CELF4: variants seen among roughly 807,000 people sequenced by gnomAD.
The protein encoded by CELF4 is CUG-BP- and ETR-3-like factor 4.
A neutral mutation model predicts 59.9 loss-of-function variants in CELF4; 18 were observed. The observed-to-expected ratio is 0.30, with a 90% CI of 0.21 to 0.45. The LOEUF is 0.45. Ranked by LOEUF, CELF4 falls within the 20% of genes least tolerant of loss-of-function variation. The probability of loss-of-function intolerance (pLI) is 1.00; values close to 1 mark genes in which losing one functional copy is unlikely to be tolerated. For missense variants in CELF4, 456 were observed against 689.0 expected (o/e 0.66, Z 3.79); for synonymous variants, 261 against 267.1 (o/e 0.98, Z 0.22).
intron 3 of CELF4, among the ~76,000 whole-genome samples, chr18:37,318,008 GC>G (rs2096927453): frequency 6.6e-6 from 1 of 152,276 alleles, no homozygotes; most frequent in Admixed American, 6.5e-5. Flanking sequence ...CCTTCCTCCT[GC>G]CCCCTGGCCA....
At chr18:37,521,555 A>G (rs1272459946) in intron 1 of CELF4, among the ~76,000 whole-genome samples, 1 of 152,194 alleles carries the variant, frequency 6.6e-6, no homozygotes, top group African/African-American at 2.4e-5. Flanking sequence ...TTAAATCTGG[A>G]GTATAAGGTG....
In CELF4 at chr18:37,523,666, G is replaced by A. The variant is rs2099960205; in HGVS notation, c.287-38059C>T. 3.3e-5 allele frequency among the ~76,000 whole-genome samples: 5 copies of A among 152,212 alleles called. No individual in the cohort carries two copies. The South Asian group carries it at 1.0e-3, about 32-fold the overall frequency. ...GGAATGGGTCTTGGGGAGGGCTTGA[G>A]ACCTCATGGCCTGCTAAGAGGAGCC... On this transcript the variant is annotated intron_variant, in intron 1 of 12. Transcript: ENST00000420428.
chr18:37,358,415 G>A (rs2098640845), intron 2 of CELF4, among the ~76,000 whole-genome samples: 1 of 152,184 alleles, frequency 6.6e-6, no homozygotes, highest in Non-Finnish European at 1.5e-5. Context: ...AACTGTGAGT[G>A]CTCCATTATA....
At chr18:37,338,391 A>C (rs1195218182) in intron 2 of CELF4, among the ~76,000 whole-genome samples, 1 of 149,180 alleles carries the variant, frequency 6.7e-6, no homozygotes, top group East Asian at 1.9e-4. Flanking sequence ...TGTCACTGAC[A>C]CCATTGTCAC....
At chr18:37,475,283 T>C (rs1300359610) in intron 2 of CELF4, among the ~76,000 whole-genome samples, 1 of 152,178 alleles carries the variant, frequency 6.6e-6, no homozygotes, top group Admixed American at 6.5e-5. Flanking sequence ...ATTAGGCCAG[T>C]GGTGGTTGAA....
chr18:37,403,945 C>T (rs1167340777), intron 2 of CELF4, among the ~76,000 whole-genome samples: 1 of 152,178 alleles, frequency 6.6e-6, no homozygotes, highest in African/African-American at 2.4e-5. Flanking sequence ...TCTCAGTGCC[C>T]ATGGCTGGCT....
chr18:37,391,885 G>A (rs2099165916), intron 2 of CELF4, among the ~76,000 whole-genome samples: 1 of 152,250 alleles, frequency 6.6e-6, no homozygotes, highest in South Asian at 2.1e-4. Flanking sequence ...GGAGCAGGCA[G>A]TCGGCACCAG....
chr18:37,514,048 C>T (rs1393991072), intron 1 of CELF4, among the ~76,000 whole-genome samples: 6 of 151,942 alleles, frequency 3.9e-5, no homozygotes, highest in Non-Finnish European at 5.9e-5. Flanking sequence ...GTCCAGCAAA[C>T]GCAGATGCTC....
chr18:37,407,172 A>G (rs994663184), intron 2 of CELF4, among the ~76,000 whole-genome samples: 9 of 152,224 alleles, frequency 5.9e-5, no homozygotes, highest in Non-Finnish European at 8.8e-5. Flanking sequence ...TATTATCTGC[A>G]GAACTGCTAT....
intron 2 of CELF4, among the ~76,000 whole-genome samples, chr18:37,444,158 C>A (rs1257554309): frequency 7.9e-5 from 12 of 152,076 alleles, no homozygotes; most frequent in Admixed American, 7.9e-4. Flanking sequence ...TACTGATGTC[C>A]CAAGTTCCTA....
At chr18:37,434,965 C>G (rs1485653774) in intron 2 of CELF4, among the ~76,000 whole-genome samples, 2 of 152,130 alleles carry the variant, frequency 1.3e-5, no homozygotes, top group Non-Finnish European at 2.9e-5. Context: ...TTGACTACCC[C>G]CTCCAAAACT....
chr18:37,342,077 A>G (rs1323789780), intron 2 of CELF4, among the ~76,000 whole-genome samples: 1 of 152,066 alleles, frequency 6.6e-6, no homozygotes, highest in East Asian at 1.9e-4. Flanking sequence ...ACAGGAGAAC[A>G]GTGGAGCTCA....
At chr18:37,320,160 AC>A (rs1456975126) in intron 3 of CELF4, among the ~76,000 whole-genome samples, 1 of 152,034 alleles carries the variant, frequency 6.6e-6, no homozygotes, top group Admixed American at 6.5e-5. Flanking sequence ...ACACAGTGAA[AC>A]CCCATCTCTA....
At position 37,274,394 on chromosome 18, in the gene CELF4, G is replaced by C; in HGVS notation, c.718C>G (p.Arg240Gly). ...ATCTGGCCAGCCATCTGCTGCATTC[G>C]CCGCATCGTGCGCTCCTTGTCGGTG... ...ADTDKERTMR[R>G]MQQMAGQMGM... is the part of the protein sequence containing the mutation. Residue 240 changes from arginine (R) to glycine (G), a missense_variant, in exon 6 of 13, where the codon CGA (arginine) becomes GGA (glycine). Physicochemically the swap from Arg to Gly is moderately radical, Grantham distance 125. Transcript: ENST00000420428. 1 of 1,613,518 alleles carries C rather than the reference G, an allele frequency of 6.2e-7. No individual in the cohort carries two copies. Among genetic ancestry groups the C allele is most frequent in the Non-Finnish European group, 8.5e-7 (1 of 1,179,962 alleles).
intron 1 of CELF4, among the ~76,000 whole-genome samples, chr18:37,538,576 TGATTTGTGTTAAAATGGCTGCCTGG>T (rs943364711): frequency 1.3e-5 from 2 of 152,158 alleles, no homozygotes; most frequent in Non-Finnish European, 2.9e-5. Context: ...CCTGTTGAAT[TGATTTGTGTTAAAATGGCTGCCTGG>T]GACTAGTGAT....
At chr18:37,537,932 C>T (rs530353705) in intron 1 of CELF4, among the ~76,000 whole-genome samples, 3 of 152,342 alleles carry the variant, frequency 2.0e-5, no homozygotes, top group East Asian at 1.9e-4. Flanking sequence ...CATGGGCTCA[C>T]CCCACGGGGC....
intron 2 of CELF4, among the ~76,000 whole-genome samples, chr18:37,413,453 G>T (rs954001804): frequency 6.6e-6 from 1 of 152,064 alleles, no homozygotes; most frequent in Non-Finnish European, 1.5e-5. Context: ...ATTTGATTGG[G>T]GTGTGTTTGT....
intron 3 of CELF4, chr18:37,276,058 T>A (rs2093176580): frequency 6.6e-6 from 1 of 152,344 alleles, no homozygotes; most frequent in South Asian, 2.1e-4. Context: ...TATTTTTTCT[T>A]CCATCTGGAT....
rs181809600 is a variant in CELF4, at chr18:37,539,667, T to C, written c.286+25689A>G. Among the ~76,000 whole-genome samples, 331 of 152,322 alleles carry C rather than the reference T, an allele frequency of 2.2e-3. 4 individuals are homozygous for C. The highest frequency in any genetic ancestry group is 0.01 in the Admixed American group (158 of 15,304). On this transcript the variant is annotated intron_variant, in intron 1 of 12. Coordinates refer to ENST00000420428, the MANE Select transcript of CELF4 (RefSeq NM_020180.4). ...GCTCTCCGCACTGTTTGATAGAACT[T>C]TCTGGCATGCAGAAAATGTGCTATG...
Sources: gnomAD v4.1 joint callset for allele counts (sites outside exome capture counted in the v4.1 genomes callset) on GRCh38, gnomAD v4.1.1 for gene constraint, MANE v1.5 for transcripts, NCBI Gene and HGNC (gene_info 2026-07-23, HGNC 2026-07-21) for gene names.